MEGF11: variants seen among roughly 807,000 people sequenced by gnomAD.
The protein encoded by MEGF11 is multiple EGF like domains 11.
MEGF11 carries 126 observed loss-of-function variants against 146.6 expected under a neutral mutation model. The ratio of observed to expected loss-of-function variants is 0.86; its 90% CI spans 0.74 to 1.00. The LOEUF (loss-of-function observed/expected upper bound fraction) is 1.00. MEGF11 is among the 50% of genes least tolerant of loss of function. The pLI is 0.00. For synonymous variants in MEGF11, 532 were observed against 583.4 expected (o/e 0.91, Z 1.27); for missense variants, 1,509 against 1,521.2 (o/e 0.99, Z 0.13).
intron 5 of MEGF11, among the ~76,000 whole-genome samples, chr15:65,994,754 A>T: frequency 6.6e-6 from 1 of 152,212 alleles, no homozygotes; most frequent in East Asian, 1.9e-4. Context: ...TCCCACCAGC[A>T]GGTTCACTGG....
intron 1 of MEGF11, among the ~76,000 whole-genome samples, chr15:66,197,624 A>G (rs1009918383): frequency 6.6e-6 from 1 of 152,042 alleles, no homozygotes; most frequent in African/African-American, 2.4e-5. Flanking sequence ...GGGTTTCACC[A>G]TGTTGGCCAG....
rs1567152818 is a variant in MEGF11, at chr15:65,913,752, CG to C, written c.2694del (p.Asp899ThrfsTer64). The C allele has an allele frequency of 6.2e-7, 1 of 1,612,362 alleles. No individual in the cohort carries two copies. Among genetic ancestry groups the C allele is most frequent in the South Asian group, 1.1e-5 (1 of 90,760 alleles). ...TGGCCCTTACCTGAGAGGGAGTAGTCGGTGCTGGTCATCCTCATGGCAGGTG... is the reference window on the plus strand; with the variant it reads ...TGGCCCTTACCTGAGAGGGAGTAGTCGTGCTGGTCATCCTCATGGCAGGTG... Reference protein sequence around the residue: ...SYTPAMRMTSTDYSLSDLSQS... With the variant: ...SYTPAMRMTSXDYSLSDLSQS... On this transcript the variant is annotated frameshift_variant, in exon 20 of 26. Transcript: ENST00000395614. LOFTEE classifies it high-confidence loss of function.
intron 5 of MEGF11, among the ~76,000 whole-genome samples, chr15:66,056,670 C>T (rs2084685543): frequency 6.6e-6 from 1 of 152,208 alleles, no homozygotes. Flanking sequence ...GTAAGCTCAA[C>T]AATGAGACCT....
chr15:66,082,622 A>G (rs1486951354), intron 5 of MEGF11, among the ~76,000 whole-genome samples: 2 of 124,110 alleles, frequency 1.6e-5, no homozygotes, highest in Admixed American at 2.1e-4. Flanking sequence ...GTGAGCCAAG[A>G]TCGTGCCACT....
At chr15:66,244,491 CA>C (rs1159314146) in intron 1 of MEGF11, among the ~76,000 whole-genome samples, 1 of 152,048 alleles carries the variant, frequency 6.6e-6, no homozygotes, top group Non-Finnish European at 1.5e-5. Flanking sequence ...AACAGGCACC[CA>C]AAGGTCGGGA....
chr15:66,070,358 C>G (rs894796951), intron 5 of MEGF11, among the ~76,000 whole-genome samples: 1 of 152,204 alleles, frequency 6.6e-6, no homozygotes, highest in African/African-American at 2.4e-5. Flanking sequence ...ATTACCTGCC[C>G]CACTTTAACA....
chr15:65,913,775 G>GGTGT lies in MEGF11; in HGVS notation c.2668_2671dup (p.Pro891HisfsTer20). On this transcript the variant is annotated frameshift_variant, in exon 20 of 26. Coordinates refer to ENST00000395614, the MANE Select transcript of MEGF11 (RefSeq NM_001385028.1). LOFTEE classifies it high-confidence loss of function. ...GTCGGTGCTGGTCATCCTCATGGCA[G>GGTGT]GTGTGTAGGAGACACGGGGAGCCAG... The GGTGT allele has an allele frequency of 6.2e-7, 1 of 1,613,648 alleles. No homozygotes were observed. The highest frequency in any genetic ancestry group is 8.5e-7 in the Non-Finnish European group (1 of 1,179,752).
rs149212743 is a variant in MEGF11, at chr15:66,095,856, C to T, written c.302-1362G>A. 4.2e-3 allele frequency among the ~76,000 whole-genome samples: 639 copies of T among 152,298 alleles called. 4 individuals are homozygous for T. The highest frequency in any genetic ancestry group is 6.7e-3 in the Non-Finnish European group (454 of 68,016). Reference sequence around the variant, plus strand: ...TTGTGGTGCTTCCCCAGTGCTGGAGCCCCGCTCGCTTGCAGCCCTGAGAAG... The same window carrying T: ...TTGTGGTGCTTCCCCAGTGCTGGAGTCCCGCTCGCTTGCAGCCCTGAGAAG... On this transcript the variant is annotated intron_variant, in intron 4 of 25. Coordinates refer to ENST00000395614, the MANE Select transcript of MEGF11 (RefSeq NM_001385028.1).
rs1183371682 is a variant in MEGF11 at position 65,922,090 on chromosome 15, G to A, written c.1957+248C>T. On this transcript the variant is annotated intron_variant, in intron 15 of 25. Transcript: ENST00000395614. ...AGCATGCATGTCGGAATCAGAATTT[G>A]TTTCTGCCACTTGCTAGCTGCGAAA... The A allele has an allele frequency of 5.5e-6, 3 of 547,792 alleles. No homozygotes were observed. The African/African-American group carries it at 5.9e-5, about 11-fold the overall frequency. The allele number at this position is 547,792 out of a possible 1,614,324, so 33.9% of individuals were successfully genotyped here.
intron 10 of MEGF11, among the ~76,000 whole-genome samples, chr15:65,932,421 T>C (rs962507757): frequency 6.6e-6 from 1 of 151,436 alleles, no homozygotes; most frequent in Non-Finnish European, 1.5e-5. Context: ...TACCGGTAAG[T>C]GGGTATGCTG....
chr15:66,058,750 C>T (rs565500406), intron 5 of MEGF11, among the ~76,000 whole-genome samples: 1 of 152,242 alleles, frequency 6.6e-6, no homozygotes, highest in East Asian at 1.9e-4. Flanking sequence ...GCATCCTGCT[C>T]CCTACCAGGA....
Position 65,979,179 on chromosome 15 carries a change from T to C in MEGF11, c.762+1599A>G, listed in dbSNP as rs2081550738. Among the ~76,000 whole-genome samples the C allele has an allele frequency of 1.3e-5, 2 of 152,144 alleles. 1 individual carries two copies. Among genetic ancestry groups the C allele is most frequent in the South Asian group, 4.1e-4 (2 of 4,828 alleles). On this transcript the variant is annotated intron_variant, in intron 7 of 25. Transcript: ENST00000395614. ...CCAAATGAAGACCTGCAGACAGGAC[T>C]GGCTGCCTCAGAACCATCTGGGGAG...
At chr15:66,169,678 C>A (rs1233538069) in intron 1 of MEGF11, among the ~76,000 whole-genome samples, 1 of 152,234 alleles carries the variant, frequency 6.6e-6, no homozygotes, top group South Asian at 2.1e-4. Flanking sequence ...AGCTTCCCTG[C>A]CCCATTTTGT....
intron 1 of MEGF11, among the ~76,000 whole-genome samples, chr15:66,196,468 C>T (rs1242999325): frequency 6.6e-6 from 1 of 151,720 alleles, no homozygotes; most frequent in Non-Finnish European, 1.5e-5. Context: ...GAGACTCTGT[C>T]TCAGAAAAAA....
intron 5 of MEGF11, among the ~76,000 whole-genome samples, chr15:66,053,722 T>G (rs868106097): frequency 7.7e-6 from 1 of 129,892 alleles, no homozygotes; most frequent in Non-Finnish European, 1.6e-5. Flanking sequence ...CCAATTTTTT[T>G]TTTTTTTTTT....
chr15:66,180,350 C>T (rs143066307), intron 1 of MEGF11, among the ~76,000 whole-genome samples: 114 of 152,210 alleles, frequency 7.5e-4, no homozygotes, highest in Middle Eastern at 3.4e-3. Context: ...AGAAGGTGAC[C>T]GGATGAACCA....
chr15:65,923,022 G>A (rs2079232118), intron 13 of MEGF11, 53 bp from the exon 14 acceptor site: 12 of 1,581,650 alleles, frequency 7.6e-6, no homozygotes, highest in Non-Finnish European at 1.0e-5. Flanking sequence ...AGGATGAAGG[G>A]AAGAATGGAG....
rs1567232498 is a variant in MEGF11 at position 66,082,671 on chromosome 15, T to TAAAAAAAAAAAAA, written c.394+11730_394+11731insTTTTTTTTTTTTT. ...CAGCAAGATGGAGCAAGACTCTGTC[T>TAAAAAAAAAAAAA]CAAAAAAAAAAAAAAAAAAGGGCGG... is the stretch of plus-strand genomic sequence containing the variant. On this transcript the variant is annotated intron_variant, in intron 5 of 25. Transcript: ENST00000395614. 0.02 allele frequency among the ~76,000 whole-genome samples: 19 copies of TAAAAAAAAAAAAA among 932 alleles called. 3 individuals carry two copies. In the South Asian group the frequency reaches 0.5, roughly 25 times the overall value. The allele number at this position is 932 out of a possible 152,430, so 0.6% of individuals were successfully genotyped here. A position where few individuals can be genotyped will look rare whatever the true frequency, so the allele number is the denominator to read the frequency against.
intron 8 of MEGF11, among the ~76,000 whole-genome samples, chr15:65,965,575 T>C (rs573296698): frequency 6.4e-4 from 16 of 24,988 alleles, no homozygotes; most frequent in South Asian, 1.9e-3. Context: ...GAGGTCCCTT[T>C]CTTTCTTTCT....
Sources: gnomAD v4.1 joint callset for allele counts (sites outside exome capture counted in the v4.1 genomes callset) on GRCh38, gnomAD v4.1.1 for gene constraint, MANE v1.5 for transcripts, NCBI Gene and HGNC (gene_info 2026-07-23, HGNC 2026-07-21) for gene names.